NOL4: variants seen among roughly 807,000 people sequenced by gnomAD.
The protein encoded by NOL4 is nucleolar protein 4.
A neutral mutation model predicts 75.9 loss-of-function variants in NOL4; 17 were observed. The observed-to-expected ratio is 0.22, with a 90% CI of 0.15 to 0.34. NOL4 has a LOEUF of 0.34. Ranked by LOEUF, NOL4 falls within the 10% of genes least tolerant of loss-of-function variation. The probability of loss-of-function intolerance (pLI) is 1.00; values close to 1 mark genes in which losing one functional copy is unlikely to be tolerated. For missense variants in NOL4, 614 were observed against 793.5 expected (o/e 0.77, Z 2.72); for synonymous variants, 292 against 289.9 (o/e 1.01, Z -0.07).
intron 1 of NOL4, among the ~76,000 whole-genome samples, chr18:34,219,070 A>AGAACAATAT (rs139681426): frequency 0.04 from 6,103 of 152,302 alleles, 180 homozygotes; most frequent in African/African-American, 0.081. Flanking sequence ...ATGCACAGCA[A>AGAACAATAT]GAACAATATG....
At position 33,886,106 on chromosome 18, in the gene NOL4, A is replaced by G. The variant is rs367786590; in HGVS notation, c.1543-2682T>C. The stretch of plus-strand genomic sequence containing the variant: ...TTGCATATTCTCACTTATTTGTGGA[A>G]CCTAAAAATCAAAACAGTTGAACTT... On this transcript the variant is annotated intron_variant, in intron 9 of 10. Coordinates refer to ENST00000261592, the MANE Select transcript of NOL4 (RefSeq NM_003787.5). 1.6e-3 allele frequency among the ~76,000 whole-genome samples: 241 copies of G among 152,278 alleles called. 4 individuals carry two copies. The South Asian group carries it at 0.027, about 17-fold the overall frequency.
chr18:34,101,371 A>G (rs1330567454), intron 4 of NOL4, among the ~76,000 whole-genome samples: 2 of 152,152 alleles, frequency 1.3e-5, no homozygotes, highest in Non-Finnish European at 2.9e-5. Context: ...GCTCAGGTAC[A>G]AGAAAGCAGT....
intron 9 of NOL4, among the ~76,000 whole-genome samples, chr18:33,893,134 T>C (rs1445400363): frequency 1.3e-5 from 2 of 152,156 alleles, no homozygotes; most frequent in Non-Finnish European, 2.9e-5. Flanking sequence ...AAGAAACACT[T>C]ATGCTGACTT....
intron 6 of NOL4, among the ~76,000 whole-genome samples, chr18:34,014,234 G>A (rs943652305): frequency 1.4e-4 from 21 of 151,756 alleles, no homozygotes; most frequent in Non-Finnish European, 2.8e-4. Context: ...ATTGAAAAAA[G>A]TTACATGAAA....
Position 33,909,834 on chromosome 18 carries a change from TA to T in NOL4, c.1543-26411del, listed in dbSNP as rs534625275. ...TAGGCAAGAGGAAGGATAAAATATATAAAAAAAAAAATTATTTCATGCAGTG... is the reference window on the plus strand; with the variant it reads ...TAGGCAAGAGGAAGGATAAAATATATAAAAAAAAAATTATTTCATGCAGTG... On this transcript the variant is annotated intron_variant, in intron 9 of 10. Coordinates refer to ENST00000261592, the MANE Select transcript of NOL4 (RefSeq NM_003787.5). Among the ~76,000 whole-genome samples, 1,347 of 144,872 alleles carry T rather than the reference TA, an allele frequency of 9.3e-3. 6 individuals carry two copies. The highest frequency in any genetic ancestry group is 0.019 in the African/African-American group (741 of 39,448).
At chr18:34,099,970 T>C (rs1249851571) in intron 4 of NOL4, among the ~76,000 whole-genome samples, 1 of 152,010 alleles carries the variant, frequency 6.6e-6, no homozygotes, top group East Asian at 1.9e-4. Flanking sequence ...CCTCACTGTC[T>C]AGATTTCTAC....
intron 5 of NOL4, among the ~76,000 whole-genome samples, chr18:34,049,499 G>A (rs371159735): frequency 1.3e-5 from 2 of 151,816 alleles, no homozygotes; most frequent in South Asian, 2.1e-4. Flanking sequence ...ACATTACTGC[G>A]ATTCAAATGA....
intron 2 of NOL4, among the ~76,000 whole-genome samples, chr18:34,107,858 C>A (rs944274888): frequency 4.6e-5 from 7 of 152,010 alleles, no homozygotes; most frequent in Non-Finnish European, 1.0e-4. Flanking sequence ...ACCTTCACAA[C>A]AACTAAGGAA....
At position 34,042,050 on chromosome 18, in the gene NOL4, G is replaced by C. The variant is rs554880228; in HGVS notation, c.773-22449C>G. ...ATTATACATAGGCATGAAGTCAGGA[G>C]CAAAAAATGAAGACTTTTTTCTATA... On this transcript the variant is annotated intron_variant, in intron 5 of 10. Coordinates refer to ENST00000261592, the MANE Select transcript of NOL4 (RefSeq NM_003787.5). Among the ~76,000 whole-genome samples the C allele has an allele frequency of 4.6e-5, 7 of 152,042 alleles. No individual in the cohort carries two copies. In the South Asian group the frequency reaches 1.5e-3, roughly 32 times the overall value.
At chr18:33,932,388 T>C (rs541447342) in intron 9 of NOL4, among the ~76,000 whole-genome samples, 24 of 152,178 alleles carry the variant, frequency 1.6e-4, no homozygotes, top group African/African-American at 5.5e-4. Context: ...AAGCTTTTAA[T>C]AGGCATATAC....
chr18:33,895,515 A>C (rs984326450), intron 9 of NOL4, among the ~76,000 whole-genome samples: 1 of 152,136 alleles, frequency 6.6e-6, no homozygotes. Flanking sequence ...TGGAGGTTCA[A>C]AAATGTGATT....
intron 4 of NOL4, among the ~76,000 whole-genome samples, chr18:34,103,341 A>G (rs2079126518): frequency 1.3e-5 from 2 of 152,044 alleles, no homozygotes; most frequent in South Asian, 4.1e-4. Context: ...TAAACCATAC[A>G]TATATAACTT....
At chr18:33,992,655 G>C (rs1414312063) in intron 6 of NOL4, among the ~76,000 whole-genome samples, 1 of 151,906 alleles carries the variant, frequency 6.6e-6, no homozygotes. Flanking sequence ...ACCCAGGAGG[G>C]GCAAGATCTC....
At chr18:33,886,080 A>G (rs1051372399) in intron 9 of NOL4, among the ~76,000 whole-genome samples, 4 of 152,160 alleles carry the variant, frequency 2.6e-5, no homozygotes, top group Admixed American at 6.6e-5. Flanking sequence ...TAAGACAAAC[A>G]TTGCATATTC....
intron 1 of NOL4, among the ~76,000 whole-genome samples, chr18:34,194,566 T>A (rs1282369419): frequency 6.6e-6 from 1 of 151,994 alleles, no homozygotes; most frequent in Non-Finnish European, 1.5e-5. Context: ...GGAAAAAAAA[T>A]GTACCATTAC....
At chr18:34,060,598 T>C (rs2077030620) in intron 5 of NOL4, among the ~76,000 whole-genome samples, 1 of 152,210 alleles carries the variant, frequency 6.6e-6, no homozygotes, top group South Asian at 2.1e-4. Context: ...TTGCTTTGCT[T>C]GATCTTGTTT....
At chr18:33,853,593 TTTATTA>T (rs1290583193) in intron 10 of NOL4, among the ~76,000 whole-genome samples, 1 of 152,056 alleles carries the variant, frequency 6.6e-6, no homozygotes, top group African/African-American at 2.4e-5. Context: ...ACTTAAGTAT[TTTATTA>T]TTATTATTTT....
At chr18:33,902,790 A>C (rs1380720143) in intron 9 of NOL4, among the ~76,000 whole-genome samples, 1 of 152,160 alleles carries the variant, frequency 6.6e-6, no homozygotes, top group Non-Finnish European at 1.5e-5. Context: ...GGCCTAAAAA[A>C]CAAAGTTTTT....
intron 2 of NOL4, among the ~76,000 whole-genome samples, chr18:34,114,400 T>TA (rs1490289283): frequency 2.0e-5 from 3 of 152,144 alleles, no homozygotes; most frequent in East Asian, 1.9e-4. Flanking sequence ...AACTAAGCAC[T>TA]AAAAAAATCA....
Sources: allele counts gnomAD v4.1 joint callset (sites outside exome capture counted in the v4.1 genomes callset), GRCh38; gene constraint gnomAD v4.1.1; transcripts MANE v1.5; gene names NCBI Gene and HGNC (gene_info 2026-07-23, HGNC 2026-07-21).